The following WWOX variants were observed in gnomAD, a reference collection of about 807,000 sequenced individuals.
The protein encoded by WWOX is WW domain-containing oxidoreductase.
Under a neutral mutation model 46.2 loss-of-function variants are expected in WWOX, and 69 were observed. The observed-to-expected ratio is 1.49, with a 90% CI of 1.23 to 1.82. The LOEUF is 1.82. Among genes scored for constraint, WWOX ranks in the 40% most tolerant of loss-of-function variants. The pLI is 0.00. For missense variants in WWOX, 919 were observed against 542.6 expected (o/e 1.69, Z -6.89); for synonymous variants, 359 against 202.6 (o/e 1.77, Z -6.56).
chr16:79,054,697 T>C (rs2048230624), intron 8 of WWOX, among the ~76,000 whole-genome samples: 1 of 152,114 alleles, frequency 6.6e-6, no homozygotes, highest in African/African-American at 2.4e-5. Flanking sequence ...TGGTGTCGTG[T>C]GTCTGTAAGT....
intron 6 of WWOX, among the ~76,000 whole-genome samples, chr16:78,405,505 C>G (rs988670082): frequency 2.0e-5 from 3 of 152,172 alleles, no homozygotes; most frequent in African/African-American, 7.2e-5. Flanking sequence ...GTTGATGTTT[C>G]TCATTTTATT....
At chr16:79,192,166 G>T (rs777710810) in intron 8 of WWOX, among the ~76,000 whole-genome samples, 9 of 152,202 alleles carry the variant, frequency 5.9e-5, no homozygotes, top group African/African-American at 1.4e-4. Context: ...GACCAAAATT[G>T]CTCCTGCCAG....
chr16:78,113,590 G>A (rs542793140), intron 3 of WWOX, among the ~76,000 whole-genome samples: 2 of 152,148 alleles, frequency 1.3e-5, no homozygotes, highest in Admixed American at 1.3e-4. Flanking sequence ...TTCTGAGCCT[G>A]TTGCAGTGGG....
At chr16:79,014,138 T>G (rs1302158969) in intron 8 of WWOX, among the ~76,000 whole-genome samples, 1 of 152,222 alleles carries the variant, frequency 6.6e-6, no homozygotes, top group South Asian at 2.1e-4. Context: ...CCAAGATCTT[T>G]TTCTGGGAAG....
intron 5 of WWOX, among the ~76,000 whole-genome samples, chr16:78,263,199 C>T (rs2079284308): frequency 6.6e-6 from 1 of 152,174 alleles, no homozygotes; most frequent in Non-Finnish European, 1.5e-5. Context: ...AAGATTGCAC[C>T]TCTGCACTTC....
intron 8 of WWOX, among the ~76,000 whole-genome samples, chr16:78,751,415 T>TTA (rs140469865): frequency 0.031 from 4,467 of 142,336 alleles, 229 homozygotes; most frequent in African/African-American, 0.11. Context: ...ATTTATCAGA[T>TTA]TATATATATA....
chr16:78,970,474 G>A (rs1392651154), intron 8 of WWOX, among the ~76,000 whole-genome samples: 2 of 152,178 alleles, frequency 1.3e-5, no homozygotes, highest in Non-Finnish European at 2.9e-5. Context: ...TGGGGAACCT[G>A]GTACTACCTA....
At chr16:78,537,098 G>C (rs1249352121) in intron 8 of WWOX, among the ~76,000 whole-genome samples, 8 of 151,926 alleles carry the variant, frequency 5.3e-5, no homozygotes, top group African/African-American at 1.7e-4. Flanking sequence ...TGTATTTTTA[G>C]TAGAGGCGGG....
At chr16:79,183,999 C>T (rs1393685753) in intron 8 of WWOX, among the ~76,000 whole-genome samples, 1 of 152,228 alleles carries the variant, frequency 6.6e-6, no homozygotes, top group Non-Finnish European at 1.5e-5. Flanking sequence ...ACTCTCCTCA[C>T]CTCTGTGACT....
chr16:78,869,712 C>G (rs940135116), intron 8 of WWOX, among the ~76,000 whole-genome samples: 1 of 152,170 alleles, frequency 6.6e-6, no homozygotes, highest in Non-Finnish European at 1.5e-5. Context: ...TTTAGATGAG[C>G]AAGAGCTGCT....
chr16:78,748,501 T>G (rs1471587770), intron 8 of WWOX, among the ~76,000 whole-genome samples: 1 of 152,202 alleles, frequency 6.6e-6, no homozygotes, highest in Non-Finnish European at 1.5e-5. Context: ...GGCTCCTTTC[T>G]GCCATTCTTA....
chr16:78,986,329 C>T (rs150010352), intron 8 of WWOX, among the ~76,000 whole-genome samples: 74 of 152,310 alleles, frequency 4.9e-4, no homozygotes, highest in African/African-American at 1.2e-3. Context: ...CTAGAGGATA[C>T]CAGTCTGACT....
At chr16:78,774,273 C>T (rs192625534) in intron 8 of WWOX, among the ~76,000 whole-genome samples, 24 of 152,150 alleles carry the variant, frequency 1.6e-4, no homozygotes, top group South Asian at 1.0e-3. Flanking sequence ...TGGTAGCAGG[C>T]GCCTGTAATC....
At chr16:79,012,595 G>C (rs369267229) in intron 8 of WWOX, among the ~76,000 whole-genome samples, 2 of 152,120 alleles carry the variant, frequency 1.3e-5, no homozygotes, top group East Asian at 1.9e-4. Context: ...TATGGCTGAG[G>C]GCTACTCTAA....
chr16:79,151,220 A>T (rs1225845642), intron 8 of WWOX, among the ~76,000 whole-genome samples: 1 of 152,292 alleles, frequency 6.6e-6, no homozygotes, highest in East Asian at 1.9e-4. Flanking sequence ...TATTCTGATC[A>T]TTTGAAATCT....
At chr16:78,952,385 T>TA (rs2046078892) in intron 8 of WWOX, among the ~76,000 whole-genome samples, 1 of 81,872 alleles carries the variant, frequency 1.2e-5, no homozygotes, top group African/African-American at 5.5e-5. Context: ...GTTTTTTGAG[T>TA]TTTTTTTTTT....
intron 6 of WWOX, among the ~76,000 whole-genome samples, chr16:78,390,277 A>G (rs2082151170): frequency 6.6e-6 from 1 of 152,232 alleles, no homozygotes; most frequent in Non-Finnish European, 1.5e-5. Context: ...CTGTTACATA[A>G]TAGGATCATC....
chr16:79,100,781 C>T (rs888608412), intron 8 of WWOX, among the ~76,000 whole-genome samples: 1 of 152,114 alleles, frequency 6.6e-6, no homozygotes, highest in Non-Finnish European at 1.5e-5. Context: ...AATAGGCCTT[C>T]TTCCCTTTGG....
Position 79,000,615 on chromosome 16 carries a change from T to A in WWOX, c.1057-210993T>A, listed in dbSNP as rs576201739. 8.5e-5 allele frequency among the ~76,000 whole-genome samples: 13 copies of A among 152,264 alleles called. No homozygotes were observed. In the South Asian group the frequency reaches 2.5e-3, roughly 29 times the overall value. The stretch of plus-strand genomic sequence containing the variant: ...AAGCCAGAAGAGGCAAGGAAAGAGA[T>A]TCTCTCCCAGAACTTCCAGAAAGGC... On this transcript the variant is annotated intron_variant, in intron 8 of 8. Transcript: ENST00000566780.
Sources: gnomAD v4.1 joint callset for allele counts (sites outside exome capture counted in the v4.1 genomes callset) on GRCh38, gnomAD v4.1.1 for gene constraint, MANE v1.5 for transcripts, NCBI Gene and HGNC (gene_info 2026-07-23, HGNC 2026-07-21) for gene names.